The following SEMA3C variants were observed in gnomAD, a reference collection of about 807,000 sequenced individuals.
SEMA3C encodes the protein semaphorin 3C, also known as semaphorin-3C.
In SEMA3C, 47 loss-of-function variants were observed where a neutral mutation model predicts 89.4. That is an observed-to-expected ratio of 0.53 (90% CI 0.42 to 0.67). The LOEUF is 0.67. Among genes scored for constraint, SEMA3C ranks in the 30% least tolerant of loss-of-function variants. The pLI is 0.00. For synonymous variants in SEMA3C, 310 were observed against 320.2 expected (o/e 0.97, Z 0.34); for missense variants, 839 against 929.1 (o/e 0.90, Z 1.26).
intron 11 of SEMA3C, among the ~76,000 whole-genome samples, chr7:80,791,505 A>C (rs2115598064): frequency 1.3e-5 from 2 of 152,290 alleles, no homozygotes; most frequent in Middle Eastern, 3.4e-3. Flanking sequence ...AAAGTAACAA[A>C]GCAAGCTGCC....
intron 2 of SEMA3C, among the ~76,000 whole-genome samples, chr7:80,877,709 A>T (rs978906029): frequency 4.6e-5 from 7 of 152,242 alleles, no homozygotes; most frequent in Non-Finnish European, 8.8e-5. Flanking sequence ...TGACCATATA[A>T]TTCAATATTT....
chr7:80,855,814 C>T (rs1790624082), intron 2 of SEMA3C, among the ~76,000 whole-genome samples: 1 of 152,104 alleles, frequency 6.6e-6, no homozygotes, highest in African/African-American at 2.4e-5. Context: ...TCACTCCTAA[C>T]ACTAGTTTGA....
chr7:80,810,741 T>G, intron 5 of SEMA3C, 40 bp from the exon 6 acceptor site: 1 of 1,433,682 alleles, frequency 7.0e-7, no homozygotes. Context: ...CAATGATAAC[T>G]TATTTAGTGA....
chr7:80,911,741 C>G (rs931176757), intron 2 of SEMA3C, among the ~76,000 whole-genome samples: 3 of 151,702 alleles, frequency 2.0e-5, no homozygotes, highest in Non-Finnish European at 2.9e-5. Flanking sequence ...TTATGCCATT[C>G]TCCTGCCTCA....
At position 80,886,761 on chromosome 7, in the gene SEMA3C, T is replaced by C. The variant is rs12666421; in HGVS notation, c.103+29918A>G. On this transcript the variant is annotated intron_variant, in intron 2 of 17. Coordinates refer to ENST00000265361, the MANE Select transcript of SEMA3C (RefSeq NM_006379.5). ...GATATCTAAGGAGTTAGTTAAATGT[T>C]GCATCATAAAATTATTAAACCAACC... Among the ~76,000 whole-genome samples the C allele has an allele frequency of 8.8e-4, 134 of 152,308 alleles. 1 individual carries two copies. The East Asian group carries it at 0.023, about 27-fold the overall frequency.
At chr7:80,883,575 C>T (rs1791403348) in intron 2 of SEMA3C, among the ~76,000 whole-genome samples, 1 of 152,180 alleles carries the variant, frequency 6.6e-6, no homozygotes, top group Non-Finnish European at 1.5e-5. Flanking sequence ...TTTTTGCATA[C>T]TCAGACATAA....
chr7:80,802,100 C>T (rs1789223154), intron 9 of SEMA3C, among the ~76,000 whole-genome samples: 1 of 151,978 alleles, frequency 6.6e-6, no homozygotes, highest in Admixed American at 6.6e-5. Context: ...AAAAACTGTT[C>T]CTTGGCAGAG....
intron 12 of SEMA3C, among the ~76,000 whole-genome samples, chr7:80,766,511 T>C (rs1235215550): frequency 6.6e-6 from 1 of 152,154 alleles, no homozygotes; most frequent in Non-Finnish European, 1.5e-5. Flanking sequence ...AAATAGAGGG[T>C]ATTTAAACTC....
chr7:80,770,528 T>C (rs546197817), intron 12 of SEMA3C, among the ~76,000 whole-genome samples: 1 of 152,364 alleles, frequency 6.6e-6, no homozygotes, highest in South Asian at 2.1e-4. Flanking sequence ...AAAACGTAAA[T>C]AATAACCATG....
At chr7:80,902,545 T>C (rs1791907135) in intron 2 of SEMA3C, among the ~76,000 whole-genome samples, 1 of 152,354 alleles carries the variant, frequency 6.6e-6, no homozygotes, top group African/African-American at 2.4e-5. Context: ...AGCACAAATA[T>C]TAAATTGATC....
chr7:80,818,547 C>A, intron 4 of SEMA3C, 129 bp from the exon 5 acceptor site: 1 of 969,142 alleles, frequency 1.0e-6, no homozygotes, highest in Non-Finnish European at 1.5e-6. Flanking sequence ...TGTATTAGTC[C>A]AGGGGCGTCC....
intron 8 of SEMA3C, 36 bp downstream of exon 8, chr7:80,804,070 G>A (rs751104652): frequency 6.5e-7 from 1 of 1,537,370 alleles, no homozygotes; most frequent in Admixed American, 1.9e-5. Flanking sequence ...TGAATTTCTT[G>A]GTCTTTCTTC....
intron 11 of SEMA3C, among the ~76,000 whole-genome samples, chr7:80,790,269 G>A (rs1049522469): frequency 7.2e-5 from 11 of 151,804 alleles, no homozygotes; most frequent in African/African-American, 2.7e-4. Flanking sequence ...GGGCAACAGA[G>A]TGAAATCCCA....
chr7:80,910,158 C>T (rs1792110125), intron 2 of SEMA3C, among the ~76,000 whole-genome samples: 1 of 152,126 alleles, frequency 6.6e-6, no homozygotes. Flanking sequence ...GTCAATGCCA[C>T]CATTAAGCTG....
At chr7:80,841,311 G>T (rs1029735788) in intron 2 of SEMA3C, among the ~76,000 whole-genome samples, 1 of 152,214 alleles carries the variant, frequency 6.6e-6, no homozygotes, top group Non-Finnish European at 1.5e-5. Context: ...ACTATTGTGT[G>T]CCTGCATAGT....
chr7:80,907,509 C>T (rs747275253), intron 2 of SEMA3C, among the ~76,000 whole-genome samples: 5 of 151,914 alleles, frequency 3.3e-5, no homozygotes, highest in African/African-American at 1.2e-4. Context: ...ATTTATGGAG[C>T]GACAATCTGG....
At chr7:80,837,063 G>A (rs971024905) in intron 2 of SEMA3C, among the ~76,000 whole-genome samples, 1 of 152,048 alleles carries the variant, frequency 6.6e-6, no homozygotes, top group South Asian at 2.1e-4. Context: ...TTTCATAAAC[G>A]CACTGTTTGG....
chr7:80,796,229 C>T (rs971057063), intron 11 of SEMA3C, among the ~76,000 whole-genome samples: 2 of 152,248 alleles, frequency 1.3e-5, no homozygotes, highest in South Asian at 4.2e-4. Context: ...AAGTCACTCT[C>T]AAAAGTATAT....
chr7:80,915,480 G>A lies in SEMA3C; in HGVS notation c.103+1199C>T, dbSNP rs531692149. On this transcript the variant is annotated intron_variant, in intron 2 of 17. Transcript: ENST00000265361. ...GTCATTCTGCTATTTGAAATTTGAG[G>A]CCAGGCGTGGTGGCTCACCTCGGGA... 7.9e-4 allele frequency among the ~76,000 whole-genome samples: 120 copies of A among 152,240 alleles called. 1 individual carries two copies. Among genetic ancestry groups the A allele is most frequent in the African/African-American group, 2.7e-3 (111 of 41,536 alleles).
Sources: gnomAD v4.1 joint callset for allele counts (sites outside exome capture counted in the v4.1 genomes callset) on GRCh38, gnomAD v4.1.1 for gene constraint, MANE v1.5 for transcripts, NCBI Gene and HGNC (gene_info 2026-07-23, HGNC 2026-07-21) for gene names.